The following ADAMTS17 variants were observed in gnomAD, a reference collection of about 807,000 sequenced individuals.
The protein encoded by ADAMTS17 is ADAM metallopeptidase with thrombospondin type 1 motif 17.
A neutral mutation model predicts 141.5 loss-of-function variants in ADAMTS17; 113 were observed. The ratio of observed to expected loss-of-function variants is 0.80; its 90% CI spans 0.69 to 0.93. The LOEUF is 0.93. ADAMTS17 is among the 40% of genes least tolerant of loss of function. ADAMTS17 has a pLI of 0.00. For synonymous variants in ADAMTS17, 768 were observed against 630.6 expected, an observed-to-expected ratio of 1.22 and a Z score of -3.27; for missense variants, 1,659 against 1,517.9, an observed-to-expected ratio of 1.09 and a Z score of -1.54.
intron 4 of ADAMTS17, among the ~76,000 whole-genome samples, chr15:100,274,031 T>C (rs949504821): frequency 1.3e-4 from 20 of 152,216 alleles, no homozygotes; most frequent in Non-Finnish European, 2.1e-4. Flanking sequence ...ACCCCATTGT[T>C]GTCAGTGATG....
chr15:100,285,086 C>T (rs546608095), intron 3 of ADAMTS17, among the ~76,000 whole-genome samples: 1 of 152,330 alleles, frequency 6.6e-6, no homozygotes, highest in African/African-American at 2.4e-5. Context: ...TTGCCAGCAC[C>T]TTGCTGGAGG....
At chr15:100,154,430 G>C (rs1053601358) in intron 9 of ADAMTS17, among the ~76,000 whole-genome samples, 2 of 152,106 alleles carry the variant, frequency 1.3e-5, no homozygotes, top group African/African-American at 4.8e-5. Flanking sequence ...GAATTCGTCG[G>C]GTACTTGAAT....
chr15:100,230,131 G>A (rs956058543), intron 7 of ADAMTS17, among the ~76,000 whole-genome samples: 1 of 152,222 alleles, frequency 6.6e-6, no homozygotes, highest in African/African-American at 2.4e-5. Flanking sequence ...TATTAACTGA[G>A]AAGACAACTC....
chr15:100,261,364 G>C, intron 6 of ADAMTS17, 115 bp downstream of exon 6: 1 of 1,437,752 alleles, frequency 7.0e-7, no homozygotes. Flanking sequence ...AACCCAGACA[G>C]GTGGCCCAAG....
chr15:100,252,077 T>A (rs2043172835), intron 7 of ADAMTS17, among the ~76,000 whole-genome samples: 1 of 152,202 alleles, frequency 6.6e-6, no homozygotes, highest in African/African-American at 2.4e-5. Flanking sequence ...GGAAATGAGA[T>A]GATGCTTGAT....
chr15:100,329,897 A>G (rs1297944999), intron 3 of ADAMTS17, among the ~76,000 whole-genome samples: 1 of 152,210 alleles, frequency 6.6e-6, no homozygotes, highest in East Asian at 1.9e-4. Flanking sequence ...TTTATTCCCA[A>G]TGTCACCGGG....
intron 3 of ADAMTS17, among the ~76,000 whole-genome samples, chr15:100,329,661 G>T (rs2045991952): frequency 6.6e-6 from 1 of 152,124 alleles, no homozygotes; most frequent in African/African-American, 2.4e-5. Flanking sequence ...TTGTAAGGAG[G>T]CAGAAAGAAC....
At chr15:100,142,875 C>G (rs1244621473) in intron 10 of ADAMTS17, among the ~76,000 whole-genome samples, 1 of 152,206 alleles carries the variant, frequency 6.6e-6, no homozygotes, top group African/African-American at 2.4e-5. Flanking sequence ...CAGCTTTGTG[C>G]TCAATAACAT....
At chr15:100,201,844 GT>G (rs1339901364) in intron 7 of ADAMTS17, among the ~76,000 whole-genome samples, 1 of 152,146 alleles carries the variant, frequency 6.6e-6, no homozygotes, top group African/African-American at 2.4e-5. Context: ...GTTTAAAAAT[GT>G]TTTGTGGGTT....
At chr15:100,130,380 A>AG (rs56912031) in intron 12 of ADAMTS17, among the ~76,000 whole-genome samples, 1 of 151,812 alleles carries the variant, frequency 6.6e-6, no homozygotes. Flanking sequence ...AAAAAAAAAA[A>AG]GTCATTCCTA....
intron 18 of ADAMTS17, among the ~76,000 whole-genome samples, chr15:100,035,451 G>A (rs144013710): frequency 6.6e-4 from 100 of 152,306 alleles, no homozygotes; most frequent in Middle Eastern, 6.8e-3. Context: ...CTTTGGTTAC[G>A]TTCTTATTTT....
chr15:100,170,809 T>C (rs985686795), intron 8 of ADAMTS17, among the ~76,000 whole-genome samples: 1 of 152,330 alleles, frequency 6.6e-6, no homozygotes, highest in East Asian at 1.9e-4. Context: ...AAGCTGAGAT[T>C]GAATAAGCTT....
chr15:100,135,285 A>G (rs2038269605), intron 10 of ADAMTS17, among the ~76,000 whole-genome samples: 1 of 141,832 alleles, frequency 7.1e-6, no homozygotes, highest in Non-Finnish European at 1.6e-5. Context: ...AAAATTAACA[A>G]CTTTTTTTTT....
chr15:100,310,926 G>A (rs1411026992), intron 3 of ADAMTS17, among the ~76,000 whole-genome samples: 1 of 152,224 alleles, frequency 6.6e-6, no homozygotes, highest in African/African-American at 2.4e-5. Context: ...GCTTTGGAAA[G>A]CAGGCTTTGC....
At chr15:100,051,197 TG>T (rs1191328536) in intron 17 of ADAMTS17, among the ~76,000 whole-genome samples, 1 of 152,206 alleles carries the variant, frequency 6.6e-6, no homozygotes, top group Non-Finnish European at 1.5e-5. Context: ...GAAGGGAATT[TG>T]GGAGCGGGCA....
chr15:100,103,473 G>A (rs2036240877), intron 14 of ADAMTS17, among the ~76,000 whole-genome samples: 1 of 152,176 alleles, frequency 6.6e-6, no homozygotes, highest in Non-Finnish European at 1.5e-5. Context: ...GGAAATAGGA[G>A]GCCAATAAAT....
rs1378018428 is a variant in ADAMTS17 at position 100,162,500 on chromosome 15, CATTAT to C, written c.1182-7185_1182-7181del. 4.3e-5 allele frequency among the ~76,000 whole-genome samples: 5 copies of C among 115,510 alleles called. No individual in the cohort carries two copies. In the Admixed American group the frequency reaches 4.9e-4, roughly 11 times the overall value. The allele number at this position is 115,510 out of a possible 152,430, so 75.8% of individuals were successfully genotyped here. ...ATGTGTATATATATGCACATATACACATTATATGTGTATATATATGCACATATACA... is the reference window on the plus strand; with the variant it reads ...ATGTGTATATATATGCACATATACACATGTGTATATATATGCACATATACA... On this transcript the variant is annotated intron_variant, in intron 8 of 21. Coordinates refer to ENST00000268070, the MANE Select transcript of ADAMTS17 (RefSeq NM_139057.4).
chr15:100,277,253 G>A (rs993858884), intron 4 of ADAMTS17, among the ~76,000 whole-genome samples: 1 of 152,032 alleles, frequency 6.6e-6, no homozygotes, highest in African/African-American at 2.4e-5. Flanking sequence ...AGCCACCAGT[G>A]TCTTAGTACA....
intron 5 of ADAMTS17, 90 bp downstream of exon 5, chr15:100,262,262 C>T: frequency 8.2e-7 from 1 of 1,224,278 alleles, no homozygotes; most frequent in South Asian, 1.3e-5. Flanking sequence ...TGGCAACTCC[C>T]TGGAGCCCCG....
Sources: gnomAD v4.1 joint callset for allele counts (sites outside exome capture counted in the v4.1 genomes callset) on GRCh38, gnomAD v4.1.1 for gene constraint, MANE v1.5 for transcripts, NCBI Gene and HGNC (gene_info 2026-07-23, HGNC 2026-07-21) for gene names.